The following LYPD6B variants were observed in gnomAD, a reference collection of about 807,000 sequenced individuals.
LYPD6B encodes the protein LY6/PLAUR domain containing 6B, also known as ly6/PLAUR domain-containing protein 6B.
In LYPD6B, 17 loss-of-function variants were observed where a neutral mutation model predicts 22.8. The ratio of observed to expected loss-of-function variants is 0.75; its 90% confidence interval spans 0.51 to 1.12. The LOEUF (loss-of-function observed/expected upper bound fraction) is 1.12, where lower values mean the gene tolerates loss of function less well. Among genes scored for constraint, LYPD6B ranks in the 50% most tolerant of loss-of-function variants. LYPD6B has a pLI of 0.00. For missense variants in LYPD6B, 221 were observed against 258.3 expected (o/e 0.86, Z 0.99); for synonymous variants, 106 against 91.6 (o/e 1.16, Z -0.90).
intron 2 of LYPD6B, among the ~76,000 whole-genome samples, chr2:149,145,629 A>C (rs1688974477): frequency 6.6e-6 from 1 of 152,176 alleles, no homozygotes; most frequent in Non-Finnish European, 1.5e-5. Context: ...GGGTGGATGG[A>C]TCTGCCAGCC....
rs1353516113 is a variant in LYPD6B, at chr2:149,205,249, A to G, written c.78-4A>G. On this transcript the variant is annotated splice_region_variant and splice_polypyrimidine_tract_variant and intron_variant, in intron 3 of 6. Transcript: ENST00000409642. ...AACTGAACCAGTGTGTCTTTTCACC[A>G]TAGATATAAGAGTTCGGACCGCCCA... is the stretch of plus-strand genomic sequence containing the variant. 2 of 1,601,384 alleles carry G rather than the reference A, an allele frequency of 1.2e-6. No individual in the cohort carries two copies. The highest frequency in any genetic ancestry group is 1.3e-5 in the African/African-American group (1 of 74,186).
intron 1 of LYPD6B, among the ~76,000 whole-genome samples, chr2:149,054,003 G>T (rs1339586217): frequency 6.6e-6 from 1 of 152,194 alleles, no homozygotes; most frequent in Non-Finnish European, 1.5e-5. Flanking sequence ...CCATTTATCA[G>T]TTGATGGACA....
intron 1 of LYPD6B, among the ~76,000 whole-genome samples, chr2:149,056,565 G>A (rs979237593): frequency 6.6e-6 from 1 of 152,032 alleles, no homozygotes; most frequent in African/African-American, 2.4e-5. Flanking sequence ...AGGAGGAACT[G>A]CTTACCTTAT....
intron 1 of LYPD6B, among the ~76,000 whole-genome samples, chr2:149,103,525 T>C (rs1417589248): frequency 6.6e-6 from 1 of 152,118 alleles, no homozygotes; most frequent in East Asian, 1.9e-4. Context: ...ATATTTAAAG[T>C]GTACAGTTTG....
At chr2:149,049,833 ATGGAGTGTAAGGTATT>A (rs1221048761) in intron 1 of LYPD6B, among the ~76,000 whole-genome samples, 1 of 152,186 alleles carries the variant, frequency 6.6e-6, no homozygotes, top group East Asian at 1.9e-4. Flanking sequence ...TCAGATATGT[ATGGAGTGTAAGGTATT>A]TGGGGATGGG....
At position 149,054,365 on chromosome 2, in the gene LYPD6B, T is replaced by G. The variant is rs191352953; in HGVS notation, c.-67+15564T>G. Reference sequence around the variant, plus strand: ...ATAACTAATGTTGTTGGGAATTTTTTGATATGCTTACTGGCCATTTGTATA... The same window carrying G: ...ATAACTAATGTTGTTGGGAATTTTTGGATATGCTTACTGGCCATTTGTATA... On this transcript the variant is annotated intron_variant, in intron 1 of 6. Coordinates refer to ENST00000409642, the MANE Select transcript of LYPD6B (RefSeq NM_177964.5). Among the ~76,000 whole-genome samples, 35 of 152,350 alleles carry G rather than the reference T, an allele frequency of 2.3e-4. 1 individual carries two copies. Among genetic ancestry groups the G allele is most frequent in the Admixed American group, 8.5e-4 (13 of 15,298 alleles).
intron 1 of LYPD6B, chr2:149,119,156 C>T (rs1199111975): frequency 6.6e-6 from 1 of 152,134 alleles, no homozygotes; most frequent in Non-Finnish European, 1.5e-5. Context: ...CAATAACTGC[C>T]TATCCAGGTA....
chr2:149,101,964 T>C (rs1364635862), intron 1 of LYPD6B, among the ~76,000 whole-genome samples: 1 of 152,182 alleles, frequency 6.6e-6, no homozygotes, highest in Non-Finnish European at 1.5e-5. Context: ...TACCCCTTTG[T>C]TAAAAAGGGA....
At chr2:149,156,278 T>C (rs1283736068) in intron 2 of LYPD6B, among the ~76,000 whole-genome samples, 2 of 152,118 alleles carry the variant, frequency 1.3e-5, no homozygotes, top group Non-Finnish European at 2.9e-5. Flanking sequence ...TTTGTGACTT[T>C]CTTTGGATTT....
chr2:149,047,416 TC>T (rs1683360239), intron 1 of LYPD6B, among the ~76,000 whole-genome samples: 1 of 152,206 alleles, frequency 6.6e-6, no homozygotes, highest in Admixed American at 6.5e-5. Context: ...AAATGTTGCT[TC>T]ATTCTCTTCT....
chr2:149,055,973 T>A (rs1390304927), intron 1 of LYPD6B, among the ~76,000 whole-genome samples: 3 of 152,198 alleles, frequency 2.0e-5, no homozygotes, highest in Non-Finnish European at 4.4e-5. Context: ...CAAGTGTGAT[T>A]TATGCTGTTT....
intron 1 of LYPD6B, among the ~76,000 whole-genome samples, chr2:149,050,614 G>A (rs568147678): frequency 3.9e-5 from 6 of 152,288 alleles, no homozygotes; most frequent in African/African-American, 1.2e-4. Flanking sequence ...GATGAGGGCT[G>A]CAAGTAACCC....
intron 1 of LYPD6B, among the ~76,000 whole-genome samples, chr2:149,040,771 G>A (rs1245124636): frequency 6.6e-6 from 1 of 152,232 alleles, no homozygotes; most frequent in African/African-American, 2.4e-5. Context: ...GCAGTAGAAT[G>A]TAGACAGCCT....
At chr2:149,191,561 T>C (rs1692491277) in intron 3 of LYPD6B, among the ~76,000 whole-genome samples, 1 of 152,230 alleles carries the variant, frequency 6.6e-6, no homozygotes, top group African/African-American at 2.4e-5. Flanking sequence ...GCTAGTCCTG[T>C]CTATACTGTT....
At chr2:149,179,724 A>G (rs1691574595) in intron 3 of LYPD6B, among the ~76,000 whole-genome samples, 1 of 152,172 alleles carries the variant, frequency 6.6e-6, no homozygotes, top group Non-Finnish European at 1.5e-5. Context: ...AGCATCCTCC[A>G]TCTTGAAAGG....
chr2:149,139,284 G>A (rs73017037), intron 2 of LYPD6B, among the ~76,000 whole-genome samples: 1,717 of 152,286 alleles, frequency 0.011, 26 homozygotes, highest in African/African-American at 0.038. Context: ...CAATAGAAAG[G>A]GGGCAGCTCA....
rs558363821 is a variant in LYPD6B, at chr2:149,182,044, T to G, written c.77+21209T>G. ...CCTCTTTGGTTATAGTTTCCTCATCTGTAAGTGGCGTTAATAATATCTCCC... is the reference window on the plus strand; with the variant it reads ...CCTCTTTGGTTATAGTTTCCTCATCGGTAAGTGGCGTTAATAATATCTCCC... On this transcript the variant is annotated intron_variant, in intron 3 of 6. Transcript: ENST00000409642. Among the ~76,000 whole-genome samples, 4 of 152,310 alleles carry G rather than the reference T, an allele frequency of 2.6e-5. No individual in the cohort carries two copies. In the South Asian group the frequency reaches 8.3e-4, roughly 32 times the overall value.
At chr2:149,116,807 A>G (rs1687028020) in intron 1 of LYPD6B, among the ~76,000 whole-genome samples, 13 of 152,206 alleles carry the variant, frequency 8.5e-5, no homozygotes, top group Admixed American at 8.5e-4. Flanking sequence ...GGCAAAATCT[A>G]ATAAATGTTT....
intron 1 of LYPD6B, among the ~76,000 whole-genome samples, chr2:149,093,649 A>G (rs1685770675): frequency 6.6e-6 from 1 of 152,190 alleles, no homozygotes; most frequent in South Asian, 2.1e-4. Flanking sequence ...TTCTACATAT[A>G]TGTTCCAGCA....
Sources: gnomAD v4.1 joint callset for allele counts (sites outside exome capture counted in the v4.1 genomes callset) on GRCh38, gnomAD v4.1.1 for gene constraint, MANE v1.5 for transcripts, NCBI Gene and HGNC (gene_info 2026-07-23, HGNC 2026-07-21) for gene names.